The following PIK3C2A variants were observed in gnomAD, a reference collection of about 807,000 sequenced individuals.
PIK3C2A encodes phosphatidylinositol 4-phosphate 3-kinase C2 domain-containing subunit alpha.
Under a neutral mutation model 204.5 loss-of-function variants are expected in PIK3C2A, and 97 were observed. That is an observed-to-expected ratio of 0.47 (90% CI 0.40 to 0.56). PIK3C2A has a LOEUF of 0.56. PIK3C2A is among the 20% of genes least tolerant of loss of function. The pLI is 0.00. For synonymous variants in PIK3C2A, 653 were observed against 664.4 expected, an observed-to-expected ratio of 0.98 and a Z score of 0.26; for missense variants, 1,735 against 1,969.2, an observed-to-expected ratio of 0.88 and a Z score of 2.25.
intron 8 of PIK3C2A, chr11:17,141,418 C>T (rs992040488): frequency 4.0e-5 from 6 of 151,768 alleles, no homozygotes; most frequent in Admixed American, 1.3e-4. Flanking sequence ...TACAGGTACA[C>T]GCCACCATAC....
intron 2 of PIK3C2A, 152 bp downstream of exon 2, chr11:17,168,525 G>T: frequency 1.7e-6 from 1 of 590,380 alleles, no homozygotes. Flanking sequence ...AGCTTGCAGT[G>T]AGCCGAAATC....
intron 4 of PIK3C2A, among the ~76,000 whole-genome samples, chr11:17,150,156 T>C (rs532939513): frequency 3.3e-5 from 5 of 152,290 alleles, no homozygotes; most frequent in Non-Finnish European, 7.4e-5. Context: ...GCAAGATATC[T>C]GGAATTTCAA....
Position 17,105,267 on chromosome 11 carries a change from T to C in PIK3C2A, c.3583A>G (p.Lys1195Glu). The change falls in exon 23 of 33, where the codon AAA (lysine) becomes GAA (glutamate). Residue 1195 changes from lysine to glutamate, a missense_variant. Around this residue, in one of 6 missense-constraint regions of PIK3C2A, gnomAD observed 503 missense variants for 669.0 expected, o/e 0.75. Coordinates refer to ENST00000691414, the MANE Select transcript of PIK3C2A (RefSeq NM_002645.4). ...ELVPASDTLR[K>E]IQVEYGVTGS... ...GTCACACCATATTCCACTTGGATTT[T>C]CCTGAGGGTATCGGAAGCAGGAACC... is the stretch of plus-strand genomic sequence containing the variant. 1 of 1,611,696 alleles carries C rather than the reference T, an allele frequency of 6.2e-7. No homozygotes were observed. The highest frequency in any genetic ancestry group is 8.5e-7 in the Non-Finnish European group (1 of 1,178,818).
Position 17,172,104 on chromosome 11 carries a change from T to C in PIK3C2A, c.-65-2298A>G, listed in dbSNP as rs556687019. ...AAATAAAAGGCTGGATAGTAGGGAA[T>C]AGGAGGAGCACAAATTCCTCCCATT... On this transcript the variant is annotated intron_variant, in intron 1 of 32. Coordinates refer to ENST00000691414, the MANE Select transcript of PIK3C2A (RefSeq NM_002645.4). Among the ~76,000 whole-genome samples the C allele has an allele frequency of 7.2e-5, 11 of 152,280 alleles. No individual in the cohort carries two copies. The South Asian group carries it at 1.9e-3, about 26-fold the overall frequency.
chr11:17,174,403 C>A lies in PIK3C2A; in HGVS notation c.-65-4597G>T, dbSNP rs1251439090. On this transcript the variant is annotated intron_variant, in intron 1 of 32. Transcript: ENST00000691414. Reference sequence around the variant, plus strand: ...GAGATCGAGACCATCCTGGCTAAAACGGTGAAACCCCGTCTCTACTAAAAA... The same window carrying A: ...GAGATCGAGACCATCCTGGCTAAAAAGGTGAAACCCCGTCTCTACTAAAAA... 2.5e-5 allele frequency among the ~76,000 whole-genome samples: 2 copies of A among 79,600 alleles called. 1 individual carries two copies. The highest frequency in any genetic ancestry group is 1.0e-4 in the African/African-American group (2 of 19,204). The allele number at this position is 79,600 out of a possible 152,430, so 52.2% of individuals were successfully genotyped here.
intron 8 of PIK3C2A, among the ~76,000 whole-genome samples, chr11:17,137,699 G>GC (rs1159310959): frequency 6.6e-6 from 1 of 152,106 alleles, no homozygotes; most frequent in Non-Finnish European, 1.5e-5. Context: ...GTGAGCCACT[G>GC]CGCCTGGCCT....
chr11:17,122,939 A>G (rs1322101755), intron 13 of PIK3C2A, 126 bp from the exon 14 acceptor site: 19 of 567,986 alleles, frequency 3.3e-5, no homozygotes, highest in African/African-American at 1.9e-5. Flanking sequence ...CTTTAAGAAC[A>G]TATCAGAAGG....
At chr11:17,192,996 A>G (rs1474930574) in intron 1 of PIK3C2A, among the ~76,000 whole-genome samples, 1 of 151,016 alleles carries the variant, frequency 6.6e-6, no homozygotes, top group Non-Finnish European at 1.5e-5. Context: ...CACTCACACA[A>G]TGTCATAATT....
intron 1 of PIK3C2A, among the ~76,000 whole-genome samples, chr11:17,180,614 G>A (rs531736211): frequency 1.3e-5 from 2 of 152,178 alleles, no homozygotes; most frequent in Non-Finnish European, 2.9e-5. Context: ...CTGAGGTCAG[G>A]AGTTCGAGAC....
rs1257963465 is a variant in PIK3C2A, at chr11:17,169,149, T to C, written c.593A>G (p.Tyr198Cys). The change falls in exon 2 of 33, where the codon TAT becomes TGT. Residue 198 changes from tyrosine to cysteine, a missense_variant. Physicochemically the swap from Tyr to Cys is radical, Grantham distance 194 (BLOSUM62 -2). Around this residue, in one of 6 missense-constraint regions of PIK3C2A, gnomAD observed 536 missense variants for 546.7 expected, o/e 0.98. Transcript: ENST00000691414. The stretch of plus-strand genomic sequence containing the variant: ...AAAGGGTGTGGCAGGTGTCAAAGGA[T>C]ATGAGAAATATGGAGATTGTCCCGG... ...SLPGQSPYFS[Y>C]PLTPATPFHP... is the part of the protein sequence containing the mutation. 3 of 1,613,928 alleles carry C rather than the reference T, an allele frequency of 1.9e-6. No homozygotes were observed. Among genetic ancestry groups the C allele is most frequent in the Non-Finnish European group, 2.5e-6 (3 of 1,179,964 alleles).
intron 1 of PIK3C2A, among the ~76,000 whole-genome samples, chr11:17,175,398 A>C (rs1309253391): frequency 6.6e-6 from 1 of 152,216 alleles, no homozygotes; most frequent in African/African-American, 2.4e-5. Context: ...AAAGGACTTA[A>C]CAGATTGTCC....
intron 1 of PIK3C2A, among the ~76,000 whole-genome samples, chr11:17,188,035 A>T (rs1473336398): frequency 6.6e-6 from 1 of 152,098 alleles, no homozygotes; most frequent in East Asian, 1.9e-4. Context: ...CAAAATAAAG[A>T]TGATAAATAC....
intron 2 of PIK3C2A, among the ~76,000 whole-genome samples, chr11:17,167,255 G>C (rs1850993824): frequency 6.6e-6 from 1 of 152,122 alleles, no homozygotes; most frequent in African/African-American, 2.4e-5. Context: ...TTATAAACAT[G>C]AGCCATCATG....
rs1590946306 is a variant in PIK3C2A, at chr11:17,134,145, C to T, written c.2108+674G>A. 2.6e-5 allele frequency among the ~76,000 whole-genome samples: 4 copies of T among 151,964 alleles called. No homozygotes were observed. In the South Asian group the frequency reaches 6.2e-4, roughly 24 times the overall value. On this transcript the variant is annotated intron_variant, in intron 11 of 32. Coordinates refer to ENST00000691414, the MANE Select transcript of PIK3C2A (RefSeq NM_002645.4). The stretch of plus-strand genomic sequence containing the variant: ...ATCTGCTGGTTAGTCATTTAAACAC[C>T]AAGATAACTGGTTGCTGACATTTTA...
intron 1 of PIK3C2A, among the ~76,000 whole-genome samples, chr11:17,176,176 GTTT>G (rs796110331): frequency 7.8e-6 from 1 of 128,826 alleles, no homozygotes; most frequent in Non-Finnish European, 1.6e-5. Context: ...GCTCATTTTT[GTTT>G]TTTTTTTAGT....
intron 3 of PIK3C2A, among the ~76,000 whole-genome samples, chr11:17,154,698 G>C (rs916783842): frequency 2.0e-5 from 3 of 152,172 alleles, no homozygotes; most frequent in African/African-American, 7.2e-5. Context: ...TTGCATGGAG[G>C]AAAGGCAGAG....
intron 1 of PIK3C2A, among the ~76,000 whole-genome samples, chr11:17,181,681 C>CACACACAA (rs1314974394): frequency 7.5e-6 from 1 of 133,150 alleles, no homozygotes; most frequent in African/African-American, 2.8e-5. Context: ...CACACACACA[C>CACACACAA]ACACACACAC....
chr11:17,151,397 C>A (rs932727173), intron 3 of PIK3C2A, among the ~76,000 whole-genome samples: 1 of 152,170 alleles, frequency 6.6e-6, no homozygotes, highest in Non-Finnish European at 1.5e-5. Flanking sequence ...CTCCTTCCTG[C>A]TTTTCATAGG....
chr11:17,194,170 C>T, intron 1 of PIK3C2A: 1 of 696,002 alleles, frequency 1.4e-6, no homozygotes, highest in Admixed American at 3.4e-5. Flanking sequence ...GTGCTTGTGC[C>T]CGCATTGCCA....
Sources: allele counts gnomAD v4.1 joint callset (sites outside exome capture counted in the v4.1 genomes callset), GRCh38; gene constraint gnomAD v4.1.1; regional missense constraint gnomAD v4.1.1; transcripts MANE v1.5; gene names NCBI Gene and HGNC (gene_info 2026-07-23, HGNC 2026-07-21).